Variants in TEX9 observed in about 807,000 individuals in gnomAD.
TEX9 encodes the protein testis-expressed protein 9.
Under a neutral mutation model 59.6 loss-of-function variants are expected in TEX9, and 74 were observed. That is an observed-to-expected ratio of 1.24 (90% CI 1.03 to 1.51). TEX9 has a LOEUF of 1.51. Among genes scored for constraint, TEX9 ranks in the 40% most tolerant of loss-of-function variants. The pLI is 0.00. For missense variants in TEX9, 522 were observed against 447.8 expected (o/e 1.17, Z -1.49); for synonymous variants, 186 against 152.2 (o/e 1.22, Z -1.64).
At chr15:56,285,242 C>T (rs150765104) in intron 1 of TEX9, among the ~76,000 whole-genome samples, 1,772 of 152,206 alleles carry the variant, frequency 0.012, 14 homozygotes, top group Non-Finnish European at 0.019. Context: ...CCCTCACTCT[C>T]AAAAATATTT....
chr15:56,418,518 G>T (rs2049812764), intron 10 of TEX9, among the ~76,000 whole-genome samples: 1 of 151,112 alleles, frequency 6.6e-6, no homozygotes, highest in South Asian at 2.1e-4. Flanking sequence ...GGGCGTGGTG[G>T]TGGGCGCCTG....
intron 9 of TEX9, among the ~76,000 whole-genome samples, chr15:56,405,310 G>GAAAA (rs1221876149): frequency 1.0e-5 from 1 of 95,964 alleles, no homozygotes. Context: ...CCGTCTCAAA[G>GAAAA]AAAAAAAAAA....
At chr15:56,436,797 T>TACAA (rs1350497949) in intron 12 of TEX9, among the ~76,000 whole-genome samples, 31 of 149,346 alleles carry the variant, frequency 2.1e-4, no homozygotes, top group Admixed American at 6.0e-4. Flanking sequence ...CCAACGGAAA[T>TACAA]ACTACCATCA....
At chr15:56,389,140 A>G (rs1260511621) in intron 5 of TEX9, among the ~76,000 whole-genome samples, 178 bp from the exon 6 acceptor site, 1 of 152,032 alleles carries the variant, frequency 6.6e-6, no homozygotes. Flanking sequence ...TTTTGGTGTT[A>G]TCTAGGTCTT....
At chr15:56,380,135 T>A (rs1396721210) in intron 3 of TEX9, among the ~76,000 whole-genome samples, 2 of 152,126 alleles carry the variant, frequency 1.3e-5, no homozygotes, top group Non-Finnish European at 2.9e-5. Flanking sequence ...GATTTTCTCT[T>A]GTGGTATAAT....
At chr15:56,309,903 G>A (rs2045571047) in intron 1 of TEX9, among the ~76,000 whole-genome samples, 2 of 151,810 alleles carry the variant, frequency 1.3e-5, no homozygotes. Context: ...GCTGGAGGTG[G>A]GCACTGGGAG....
At chr15:56,435,067 G>A (rs1336078956) in intron 12 of TEX9, among the ~76,000 whole-genome samples, 1 of 151,986 alleles carries the variant, frequency 6.6e-6, no homozygotes, top group East Asian at 1.9e-4. Context: ...ATGGGCCAAA[G>A]AGGGAATGCC....
intron 3 of TEX9, among the ~76,000 whole-genome samples, chr15:56,379,618 G>C (rs1225723582): frequency 6.6e-6 from 1 of 152,166 alleles, no homozygotes; most frequent in African/African-American, 2.4e-5. Flanking sequence ...TGGGAGATCT[G>C]TCCAGTGCTA....
At chr15:56,277,743 C>T (rs753563834) in intron 1 of TEX9, among the ~76,000 whole-genome samples, 6 of 152,110 alleles carry the variant, frequency 3.9e-5, no homozygotes, top group Non-Finnish European at 8.8e-5. Context: ...CATTACATGG[C>T]CAAGGCCAAA....
Position 56,345,703 on chromosome 15 carries a change from C to T in TEX9, c.-106-27738C>T, listed in dbSNP as rs565191037. Among the ~76,000 whole-genome samples, 76 of 152,246 alleles carry T rather than the reference C, an allele frequency of 5.0e-4. No homozygotes were observed. The Middle Eastern group carries it at 0.01, about 20-fold the overall frequency. On this transcript the variant is annotated intron_variant, in intron 1 of 5. Transcript: ENST00000560827. Reference sequence around the variant, plus strand: ...GGAAGGAAAACCTGGACAAAGCAACCGCCAAGATAAGGAAAAGGTTGAGAT... The same window carrying T: ...GGAAGGAAAACCTGGACAAAGCAACTGCCAAGATAAGGAAAAGGTTGAGAT...
chr15:56,352,822 T>C (rs148165402), intron 1 of TEX9, among the ~76,000 whole-genome samples: 26 of 152,308 alleles, frequency 1.7e-4, no homozygotes, highest in African/African-American at 5.8e-4. Flanking sequence ...CACCAAACTC[T>C]GAAATAAGAT....
At chr15:56,371,709 C>G (rs7174976) in intron 2 of TEX9, among the ~76,000 whole-genome samples, 1 of 152,014 alleles carries the variant, frequency 6.6e-6, no homozygotes, top group African/African-American at 2.4e-5. Flanking sequence ...TTACTAGTTT[C>G]GAGTTTTGAT....
intron 1 of TEX9, among the ~76,000 whole-genome samples, chr15:56,308,486 G>GT (rs1325375115): frequency 1.3e-5 from 2 of 152,054 alleles, no homozygotes; most frequent in African/African-American, 4.8e-5. Flanking sequence ...ATTTGCAAAT[G>GT]TTTTTTCTCA....
chr15:56,362,292 G>C (rs1405733511), upstream of TEX9, among the ~76,000 whole-genome samples: 2 of 152,074 alleles, frequency 1.3e-5, no homozygotes, highest in African/African-American at 4.8e-5. Flanking sequence ...ATTTCTCTTT[G>C]CAAGTCCTAC....
intron 12 of TEX9, chr15:56,434,317 C>G (rs2050680737): frequency 6.2e-7 from 1 of 1,613,828 alleles, no homozygotes; most frequent in Non-Finnish European, 8.5e-7. Context: ...GCCTGTAGCA[C>G]TAATTCCTTC....
intron 9 of TEX9, chr15:56,396,122 T>G (rs2048457623): frequency 1.3e-5 from 2 of 152,216 alleles, no homozygotes; most frequent in Admixed American, 6.5e-5. Flanking sequence ...CTTTGTAAAA[T>G]GTAGTGACGA....
intron 2 of TEX9, among the ~76,000 whole-genome samples, chr15:56,367,880 C>G (rs1048558783): frequency 7.2e-5 from 11 of 152,184 alleles, no homozygotes; most frequent in Admixed American, 7.2e-4. Context: ...TTTATATACA[C>G]ACAGATCTTC....
In TEX9 at chr15:56,280,705, G is replaced by A. The variant is rs553399506; in HGVS notation, c.-107+36427G>A. ...TTGACTATACTGAAGAAAGTTATCT[G>A]AAGAGGTATATAACAGAATCATTGA... On this transcript the variant is annotated intron_variant, in intron 1 of 5. Transcript: ENST00000560827. 2.0e-5 allele frequency among the ~76,000 whole-genome samples: 3 copies of A among 152,338 alleles called. No individual in the cohort carries two copies. The South Asian group carries it at 6.2e-4, about 32-fold the overall frequency.
chr15:56,249,811 A>G (rs78006851), intron 1 of TEX9, among the ~76,000 whole-genome samples: 2,159 of 151,972 alleles, frequency 0.014, 18 homozygotes, highest in Non-Finnish European at 0.021. Flanking sequence ...ATTACAGAAA[A>G]AAAAATTCCC....
Sources: allele counts gnomAD v4.1 joint callset (sites outside exome capture counted in the v4.1 genomes callset), GRCh38; gene constraint gnomAD v4.1.1; transcripts MANE v1.5; gene names NCBI Gene and HGNC (gene_info 2026-07-23, HGNC 2026-07-21).